The following CRHR1 variants were observed in gnomAD, a reference collection of about 807,000 sequenced individuals.
The protein encoded by CRHR1 is corticotropin releasing hormone receptor 1, also known as corticotropin-releasing hormone receptor 1.
In CRHR1, 28 loss-of-function variants were observed where a neutral mutation model predicts 56.0. The ratio of observed to expected loss-of-function variants is 0.50; its 90% CI spans 0.37 to 0.69. CRHR1 has a LOEUF of 0.69. Ranked by LOEUF, CRHR1 falls within the 30% of genes least tolerant of loss-of-function variation. The pLI, the probability that CRHR1 is intolerant of heterozygous loss-of-function variation, is 0.00. For missense variants in CRHR1, 376 were observed against 548.0 expected, an observed-to-expected ratio of 0.69 and a Z score of 3.13; for synonymous variants, 195 against 216.5, an observed-to-expected ratio of 0.90 and a Z score of 0.87.
In CRHR1 at chr17:45,805,166, G is replaced by A. The variant is rs2061696714; in HGVS notation, c.34-1844G>A. Among the ~76,000 whole-genome samples, 3 of 151,948 alleles carry A rather than the reference G, an allele frequency of 2.0e-5. No homozygotes were observed. In the South Asian group the frequency reaches 6.3e-4, roughly 32 times the overall value. ...CCCTTTTTGCCCCAAGCTCCAACAT[G>A]GCCCAGCACTGTTACTGAGCCTATC... On this transcript the variant is annotated intron_variant, in intron 1 of 12. Transcript: ENST00000314537.
intron 8 of CRHR1, among the ~76,000 whole-genome samples, chr17:45,832,401 C>T (rs1160721663): frequency 2.0e-5 from 3 of 152,206 alleles, no homozygotes; most frequent in Non-Finnish European, 4.4e-5. Context: ...CTGGACCCGG[C>T]CCTCAGAAGC....
rs2062262915 is a variant in CRHR1 at position 45,830,128 on chromosome 17, A to T, written c.469A>T (p.Asn157Tyr). Residue 157 changes from asparagine (N) to tyrosine (Y), a missense_variant, in exon 6 of 13, where the codon AAC (asparagine) becomes TAC (tyrosine). Around this residue, in one of 2 missense-constraint regions of CRHR1, gnomAD observed 369 missense variants for 519.5 expected, o/e 0.71. Coordinates refer to ENST00000314537, the MANE Select transcript of CRHR1 (RefSeq NM_004382.5). ...GTGCCTGCGAAACATCATCCACTGG[A>T]ACCTCATCTCCGCCTTCATCCTGCG... is the stretch of plus-strand genomic sequence containing the variant. ...IRCLRNIIHW[N>Y]LISAFILRNA... 1 of 1,613,886 alleles carries T rather than the reference A, an allele frequency of 6.2e-7. No individual in the cohort carries two copies. Among genetic ancestry groups the T allele is most frequent in the Admixed American group, 1.7e-5 (1 of 59,988 alleles).
At chr17:45,795,797 G>A (rs1034129598) in intron 1 of CRHR1, among the ~76,000 whole-genome samples, 5 of 152,198 alleles carry the variant, frequency 3.3e-5, no homozygotes, top group Non-Finnish European at 7.3e-5. Context: ...TTTTGTCTAA[G>A]TCACTGCCTT....
intron 4 of CRHR1, among the ~76,000 whole-genome samples, chr17:45,824,293 C>G (rs577947821): frequency 6.6e-6 from 1 of 152,182 alleles, no homozygotes; most frequent in Non-Finnish European, 1.5e-5. Context: ...CAGGACCACA[C>G]GCCATTGCAG....
At position 45,784,689 on chromosome 17, in the gene CRHR1, T is replaced by A. The variant is rs949453450; in HGVS notation, c.33+112T>A. ...GGCGGGGGCGCTGGGAGAGCCGTGC[T>A]TAGGTCGGGGAAGGCTGGGCTCCGG... On this transcript the variant is annotated intron_variant, in intron 1 of 12. Transcript: ENST00000314537. This position sits in a 1 kb window ranked among gnomAD's most constrained non-coding sequence, Gnocchi z 4.2. 8.5e-7 allele frequency: 1 copy of A among 1,176,872 alleles called. No homozygotes were observed. Among genetic ancestry groups the A allele is most frequent in the Non-Finnish European group, 1.1e-6 (1 of 882,376 alleles). The allele number at this position is 1,176,872 out of a possible 1,614,324, so 72.9% of individuals were successfully genotyped here.
intron 12 of CRHR1, 33 bp from the exon 13 acceptor site, chr17:45,834,591 G>A: frequency 1.3e-6 from 2 of 1,585,950 alleles, no homozygotes; most frequent in Non-Finnish European, 1.7e-6. Flanking sequence ...TGAGCCACAG[G>A]CTCAGATGTC....
chr17:45,803,837 T>C (rs1469739175), intron 1 of CRHR1, among the ~76,000 whole-genome samples: 1 of 151,120 alleles, frequency 6.6e-6, no homozygotes, highest in Non-Finnish European at 1.5e-5. Context: ...AGATGTGGGG[T>C]GGGAAACGAG....
intron 1 of CRHR1, among the ~76,000 whole-genome samples, chr17:45,793,248 C>A (rs370835409): frequency 6.6e-6 from 1 of 152,250 alleles, no homozygotes; most frequent in African/African-American, 2.4e-5. Flanking sequence ...GCACTGGGGG[C>A]GTTGTCCACG....
chr17:45,821,787 T>C (rs1598433952), intron 4 of CRHR1, among the ~76,000 whole-genome samples: 1 of 152,160 alleles, frequency 6.6e-6, no homozygotes, highest in Non-Finnish European at 1.5e-5. Flanking sequence ...AGTCCCACCC[T>C]TTTCCACAAC....
At chr17:45,817,185 G>A (rs1275571352) in intron 3 of CRHR1, among the ~76,000 whole-genome samples, 1 of 152,210 alleles carries the variant, frequency 6.6e-6, no homozygotes, top group Non-Finnish European at 1.5e-5. Flanking sequence ...GCTCCCCGGA[G>A]GCCCGAAACC....
At chr17:45,818,719 A>T (rs900790625) in intron 3 of CRHR1, among the ~76,000 whole-genome samples, 4 of 152,160 alleles carry the variant, frequency 2.6e-5, no homozygotes, top group Admixed American at 6.5e-5. Context: ...ACAAGTGGGT[A>T]CCCAGAGCTG....
At chr17:45,825,203 ATG>A (rs1481150859) in intron 4 of CRHR1, among the ~76,000 whole-genome samples, 10 of 152,186 alleles carry the variant, frequency 6.6e-5, no homozygotes, top group Non-Finnish European at 1.2e-4. Context: ...TGCCTGTGAA[ATG>A]GGACTTGCAA....
At chr17:45,828,835 A>C (rs1158510819) in intron 4 of CRHR1, among the ~76,000 whole-genome samples, 1 of 152,206 alleles carries the variant, frequency 6.6e-6, no homozygotes, top group Non-Finnish European at 1.5e-5. Context: ...GTGTCTCTGC[A>C]GCTGAGAGGT....
chr17:45,823,853 C>T (rs1437334287), intron 4 of CRHR1, among the ~76,000 whole-genome samples: 1 of 152,240 alleles, frequency 6.6e-6, no homozygotes, highest in Non-Finnish European at 1.5e-5. Flanking sequence ...AGGTCAATGC[C>T]TAGCTTAAAA....
At chr17:45,790,898 G>A (rs1041043230) in intron 1 of CRHR1, among the ~76,000 whole-genome samples, 1 of 152,210 alleles carries the variant, frequency 6.6e-6, no homozygotes, top group African/African-American at 2.4e-5. Flanking sequence ...TTTGAGTGCT[G>A]GGATGTCAGG....
chr17:45,786,261 C>T (rs963179716), intron 1 of CRHR1, among the ~76,000 whole-genome samples: 1 of 151,302 alleles, frequency 6.6e-6, no homozygotes, highest in African/African-American at 2.4e-5. Context: ...TTTGTTCCTA[C>T]TAGATGGTGG....
chr17:45,833,484 C>T lies in CRHR1; in HGVS notation c.876C>T (p.Arg292=). Residue 292 remains arginine, a synonymous_variant, in exon 10 of 13, where the codon CGC becomes CGT. Transcript: ENST00000314537. Reference sequence around the variant, plus strand: ...TCATCTTCCTTTTCAACATCGTCCGCATCCTCATGACCAAGCTCCGGGCAT... The same window carrying T: ...TCATCTTCCTTTTCAACATCGTCCGTATCCTCATGACCAAGCTCCGGGCAT... The part of the protein sequence containing the change: ...INFIFLFNIV[R]ILMTKLRAST... The T allele has an allele frequency of 6.2e-7, 1 of 1,614,068 alleles. No individual in the cohort carries two copies. Among genetic ancestry groups the T allele is most frequent in the East Asian group, 2.2e-5 (1 of 44,868 alleles).
chr17:45,825,527 T>C (rs1279458797), intron 4 of CRHR1: 1 of 154,572 alleles, frequency 6.5e-6, no homozygotes. Flanking sequence ...CACACCGTGG[T>C]GGGACATGAA....
chr17:45,793,611 G>T (rs1316026275), intron 1 of CRHR1, among the ~76,000 whole-genome samples: 1 of 152,176 alleles, frequency 6.6e-6, no homozygotes, highest in Non-Finnish European at 1.5e-5. Context: ...CGGTGTGGGG[G>T]TGCAGCCTGG....
Sources: allele counts gnomAD v4.1 joint callset (sites outside exome capture counted in the v4.1 genomes callset), GRCh38; gene constraint gnomAD v4.1.1; regional missense constraint gnomAD v4.1.1; non-coding constraint Gnocchi (gnomAD v3.1); transcripts MANE v1.5; gene names NCBI Gene and HGNC (gene_info 2026-07-23, HGNC 2026-07-21).